The following VPS54 variants were observed in gnomAD, a reference collection of about 807,000 sequenced individuals.
VPS54 encodes VPS54 subunit of GARP complex.
In VPS54, 45 loss-of-function variants were observed where a neutral mutation model predicts 121.5. The observed-to-expected ratio is 0.37, with a 90% CI of 0.29 to 0.47. VPS54 has a LOEUF of 0.47. Ranked by LOEUF, VPS54 falls within the 20% of genes least tolerant of loss-of-function variation. The pLI is 0.99. For synonymous variants in VPS54, 371 were observed against 385.8 expected, an observed-to-expected ratio of 0.96 and a Z score of 0.45; for missense variants, 1,090 against 1,131.4, an observed-to-expected ratio of 0.96 and a Z score of 0.52.
chr2:63,977,648 A>G (rs1036044132), intron 3 of VPS54, among the ~76,000 whole-genome samples: 2 of 152,206 alleles, frequency 1.3e-5, no homozygotes, highest in African/African-American at 4.8e-5. Context: ...TATTAAACAT[A>G]GTTACTTTGA....
chr2:63,987,284 CTAGTT>C (rs1677096778), intron 1 of VPS54, among the ~76,000 whole-genome samples: 1 of 152,130 alleles, frequency 6.6e-6, no homozygotes, highest in South Asian at 2.1e-4. Flanking sequence ...CCATGGATAT[CTAGTT>C]TTCCCAGCAC....
At chr2:63,975,002 G>T in intron 3 of VPS54, 2 of 1,549,862 alleles carry the variant, frequency 1.3e-6, no homozygotes, top group Non-Finnish European at 1.7e-6. Context: ...CCTGTTCTTA[G>T]TGGGAAGCAT....
intron 1 of VPS54, among the ~76,000 whole-genome samples, chr2:64,002,758 T>G (rs2104679763): frequency 6.6e-6 from 1 of 152,340 alleles, no homozygotes; most frequent in East Asian, 1.9e-4. Context: ...TTCTCTTTTT[T>G]CCTATACCAC....
intron 3 of VPS54, among the ~76,000 whole-genome samples, chr2:63,980,385 T>C (rs1274920438): frequency 6.6e-6 from 1 of 152,170 alleles, no homozygotes; most frequent in Non-Finnish European, 1.5e-5. Context: ...TCATCAGATC[T>C]CACAATCTCT....
chr2:63,972,686 T>C (rs1676341658), intron 3 of VPS54, among the ~76,000 whole-genome samples: 1 of 151,960 alleles, frequency 6.6e-6, no homozygotes, highest in East Asian at 1.9e-4. Flanking sequence ...AAGAGTTCAA[T>C]ACTAGCCTGG....
intron 7 of VPS54, among the ~76,000 whole-genome samples, chr2:63,953,201 A>T (rs1352407628): frequency 7.1e-6 from 1 of 141,020 alleles, no homozygotes; most frequent in Non-Finnish European, 1.5e-5. Flanking sequence ...GTGCAATCTC[A>T]GCTCACTGCA....
intron 1 of VPS54, among the ~76,000 whole-genome samples, chr2:64,010,131 C>T (rs1484888182): frequency 2.6e-5 from 4 of 152,110 alleles, no homozygotes; most frequent in South Asian, 2.1e-4. Flanking sequence ...CGTGAGCCAC[C>T]GCGCCTGGCC....
At chr2:63,907,550 C>A (rs1353405088) in intron 20 of VPS54, among the ~76,000 whole-genome samples, 1 of 150,662 alleles carries the variant, frequency 6.6e-6, no homozygotes, top group East Asian at 1.9e-4. Flanking sequence ...GAAAAGATTT[C>A]TCAGGATAGG....
intron 21 of VPS54, 40 bp downstream of exon 21, chr2:63,899,434 T>A (rs1212202672): frequency 6.4e-7 from 1 of 1,550,944 alleles, no homozygotes; most frequent in Non-Finnish European, 8.9e-7. Flanking sequence ...AGATATTGTA[T>A]GTTATATATA....
intron 1 of VPS54, among the ~76,000 whole-genome samples, chr2:63,988,667 TTA>T (rs1210304945): frequency 6.6e-6 from 1 of 152,202 alleles, no homozygotes; most frequent in Non-Finnish European, 1.5e-5. Context: ...ATGCCTGTCT[TTA>T]TTTTAATCTC....
At chr2:63,914,357 A>T (rs964781218) in intron 16 of VPS54, 70 bp from the exon 17 acceptor site, 2 of 1,031,486 alleles carry the variant, frequency 1.9e-6, no homozygotes, top group South Asian at 2.8e-5. Context: ...GGCATATAAA[A>T]ATCAAATTAC....
chr2:63,976,453 C>T (rs1676535277), intron 3 of VPS54, among the ~76,000 whole-genome samples: 1 of 151,980 alleles, frequency 6.6e-6, no homozygotes, highest in South Asian at 2.1e-4. Flanking sequence ...ATGACAGCCT[C>T]ACCAAATGCA....
chr2:63,904,336 G>T (rs1672813360), intron 20 of VPS54, among the ~76,000 whole-genome samples: 1 of 150,190 alleles, frequency 6.7e-6, no homozygotes, highest in Non-Finnish European at 1.5e-5. Flanking sequence ...TTACTCAGGA[G>T]GCTGAGGCAG....
At position 64,015,006 on chromosome 2, in the gene VPS54, A is replaced by AACAT. The variant is rs562075633; in HGVS notation, c.-21+3928_-21+3931dup. ...GCTTGGAATTTTTCTGGACATTCAC[A>AACAT]ACATACATACATACATACATAACAT... On this transcript the variant is annotated intron_variant, in intron 1 of 22. Transcript: ENST00000272322. 2.6e-4 allele frequency among the ~76,000 whole-genome samples: 39 copies of AACAT among 152,204 alleles called. No homozygotes were observed. In the East Asian group the frequency reaches 3.9e-3, roughly 15 times the overall value.
At chr2:63,935,127 A>T (rs1454821405) in intron 11 of VPS54, among the ~76,000 whole-genome samples, 2 of 152,156 alleles carry the variant, frequency 1.3e-5, no homozygotes, top group African/African-American at 4.8e-5. Context: ...CAAAGAAATA[A>T]AGCCAAAGCT....
At chr2:63,904,392 T>C (rs55748575) in intron 20 of VPS54, among the ~76,000 whole-genome samples, 7,055 of 131,856 alleles carry the variant, frequency 0.054, 324 homozygotes, top group African/African-American at 0.13. Context: ...TGAGCCAAGA[T>C]TGCACCACTG....
At chr2:63,916,336 T>C (rs1673377540) in intron 16 of VPS54, among the ~76,000 whole-genome samples, 1 of 152,162 alleles carries the variant, frequency 6.6e-6, no homozygotes, top group Non-Finnish European at 1.5e-5. Flanking sequence ...TGCTTCTTAG[T>C]TAACTTGAAT....
chr2:63,965,219 G>T (rs930310076), intron 6 of VPS54, among the ~76,000 whole-genome samples: 2 of 152,148 alleles, frequency 1.3e-5, no homozygotes, highest in South Asian at 4.1e-4. Flanking sequence ...GCTCACATCC[G>T]TAATCTCAGC....
intron 10 of VPS54, 146 bp downstream of exon 10, chr2:63,944,454 G>A (rs775044810): frequency 4.6e-5 from 36 of 781,868 alleles, no homozygotes; most frequent in Middle Eastern, 4.6e-4. Flanking sequence ...CACTGTCTTC[G>A]TTCCACACTG....
Sources: allele counts gnomAD v4.1 joint callset (sites outside exome capture counted in the v4.1 genomes callset), GRCh38; gene constraint gnomAD v4.1.1; transcripts MANE v1.5; gene names NCBI Gene and HGNC (gene_info 2026-07-23, HGNC 2026-07-21).